Variants in PPP1R12A observed in about 807,000 individuals in gnomAD.
PPP1R12A encodes the protein protein phosphatase 1 regulatory subunit 12A.
Under a neutral mutation model 139.6 loss-of-function variants are expected in PPP1R12A, and 19 were observed. That is an observed-to-expected ratio of 0.14 (90% CI 0.09 to 0.20). The LOEUF (loss-of-function observed/expected upper bound fraction) is 0.20, where lower values mean the gene tolerates loss of function less well. Ranked by LOEUF, PPP1R12A falls within the 10% of genes least tolerant of loss-of-function variation. The probability of loss-of-function intolerance (pLI) is 1.00; values close to 1 mark genes in which losing one functional copy is unlikely to be tolerated. For synonymous variants in PPP1R12A, 427 were observed against 420.6 expected (o/e 1.02, Z -0.19); for missense variants, 925 against 1,211.5 (o/e 0.76, Z 3.51).
intron 6 of PPP1R12A, 95 bp from the exon 7 acceptor site, chr12:79,821,261 A>G: frequency 1.2e-6 from 1 of 816,794 alleles, no homozygotes; most frequent in Non-Finnish European, 2.0e-6. Context: ...AGTTTTTCAG[A>G]CATTAAATAA....
intron 14 of PPP1R12A, 113 bp from the exon 15 acceptor site, chr12:79,798,697 G>T: frequency 2.1e-6 from 1 of 481,660 alleles, no homozygotes. Flanking sequence ...TAAGTTTTAA[G>T]GAAAAGTCTT....
chr12:79,894,660 GTC>G (rs1163259662), intron 1 of PPP1R12A, among the ~76,000 whole-genome samples: 3 of 152,008 alleles, frequency 2.0e-5, no homozygotes, highest in Non-Finnish European at 4.4e-5. Context: ...TTAAAAAAAA[GTC>G]TTTTATTGGA....
Position 79,925,193 on chromosome 12 carries a change from T to C in PPP1R12A, c.237+9502A>G, listed in dbSNP as rs76435961. Among the ~76,000 whole-genome samples the C allele has an allele frequency of 9.8e-3, 1,492 of 152,272 alleles. 32 individuals carry two copies. Among genetic ancestry groups the C allele is most frequent in the African/African-American group, 0.035 (1,436 of 41,550 alleles). The stretch of plus-strand genomic sequence containing the variant: ...AAGTTTATAACCATCTAAAACAATT[T>C]TGAAGGCTAATAAAATATATATAAT... On this transcript the variant is annotated intron_variant, in intron 1 of 24. Coordinates refer to ENST00000450142, the MANE Select transcript of PPP1R12A (RefSeq NM_002480.3).
intron 9 of PPP1R12A, among the ~76,000 whole-genome samples, chr12:79,812,129 A>G (rs1438181539): frequency 1.3e-5 from 2 of 152,184 alleles, no homozygotes; most frequent in African/African-American, 4.8e-5. Flanking sequence ...CTATCTATCA[A>G]TTTTGAAATG....
At chr12:79,813,005 C>T (rs1309664791) in intron 9 of PPP1R12A, among the ~76,000 whole-genome samples, 2 of 152,028 alleles carry the variant, frequency 1.3e-5, no homozygotes, top group African/African-American at 4.8e-5. Context: ...CTCAATAAGC[C>T]TCTCATCTTC....
At chr12:79,777,486 G>A in intron 24 of PPP1R12A, 4 of 985,244 alleles carry the variant, frequency 4.1e-6, no homozygotes, top group Non-Finnish European at 4.8e-6. Flanking sequence ...CACCTGCCTG[G>A]CTCTACCAAG....
chr12:79,839,053 AAGCTACAG>A (rs1287084749), intron 3 of PPP1R12A, among the ~76,000 whole-genome samples: 2 of 151,912 alleles, frequency 1.3e-5, no homozygotes, highest in Non-Finnish European at 1.5e-5. Flanking sequence ...GTACCCTGCA[AAGCTACAG>A]AGGCAGAGCT....
Position 79,775,248 on chromosome 12 carries a change from A to AGAAAT in PPP1R12A, c.*676_*680dup, listed in dbSNP as rs1229752170. 1 of 152,604 alleles carries AGAAAT rather than the reference A, an allele frequency of 6.6e-6. No homozygotes were observed. The highest frequency in any genetic ancestry group is 2.4e-5 in the African/African-American group (1 of 41,458). 9.5% of individuals were successfully genotyped at this position (152,604 alleles called of 1,614,324 possible). A position where few individuals can be genotyped will look rare whatever the true frequency, so the allele number is the denominator to read the frequency against. ...CAAATGACTTTAAAGCATTCATATAAGAAATAAATGCATATTGCACAAACA... is the reference window on the plus strand; with the variant it reads ...CAAATGACTTTAAAGCATTCATATAAGAAATGAAATAAATGCATATTGCACAAACA... On this transcript the variant is annotated 3_prime_UTR_variant, in exon 25 of 25. Transcript: ENST00000450142.
chr12:79,805,521 T>C, intron 14 of PPP1R12A, 71 bp downstream of exon 14: 1 of 1,455,908 alleles, frequency 6.9e-7, no homozygotes. Context: ...CACAAGATCT[T>C]TTTTAAAACA....
intron 23 of PPP1R12A, chr12:79,778,917 G>A (rs3213965): frequency 0.91 from 216,524 of 239,080 alleles, 98,667 homozygotes; most frequent in Middle Eastern, 0.94. Flanking sequence ...ACTGTACAGA[G>A]AAGAAAAACA....
At chr12:79,817,276 C>A in intron 9 of PPP1R12A, 118 bp downstream of exon 9, 1 of 919,124 alleles carries the variant, frequency 1.1e-6, no homozygotes, top group Non-Finnish European at 1.6e-6. Context: ...TATTTATATT[C>A]TGAAATCTTA....
intron 18 of PPP1R12A, among the ~76,000 whole-genome samples, chr12:79,795,394 C>G (rs988702463): frequency 6.6e-6 from 1 of 152,108 alleles, no homozygotes; most frequent in East Asian, 1.9e-4. Flanking sequence ...GCACTCTGAG[C>G]TTCAGACATT....
intron 3 of PPP1R12A, among the ~76,000 whole-genome samples, chr12:79,844,259 G>A (rs1241341274): frequency 2.0e-5 from 3 of 152,040 alleles, no homozygotes; most frequent in Non-Finnish European, 4.4e-5. Context: ...TTTTGTAACT[G>A]CAGACTCGCA....
chr12:79,808,173 G>T (rs1195050243), intron 11 of PPP1R12A, among the ~76,000 whole-genome samples: 3 of 151,440 alleles, frequency 2.0e-5, no homozygotes, highest in Non-Finnish European at 2.9e-5. Context: ...ATTAAGTAAG[G>T]GCTTTCCTTC....
intron 19 of PPP1R12A, 115 bp downstream of exon 19, chr12:79,793,748 A>G (rs1350052505): frequency 2.8e-6 from 2 of 712,390 alleles, no homozygotes; most frequent in South Asian, 3.7e-5. Context: ...CATACCCAGC[A>G]TGTAGGTAGA....
At chr12:79,855,649 C>A (rs917499633) in intron 2 of PPP1R12A, among the ~76,000 whole-genome samples, 2 of 151,774 alleles carry the variant, frequency 1.3e-5, no homozygotes, top group Middle Eastern at 3.2e-3. Flanking sequence ...GATTATGTAA[C>A]ACTCCCACCA....
rs901635600 is a variant in PPP1R12A, at chr12:79,774,074, C to CCTAA, written c.*1851_*1854dup. 2.6e-5 allele frequency: 4 copies of CCTAA among 152,216 alleles called. No homozygotes were observed. The South Asian group carries it at 8.3e-4, about 32-fold the overall frequency. The allele number at this position is 152,216 out of a possible 1,614,324, so 9.4% of individuals were successfully genotyped here. A position where few individuals can be genotyped will look rare whatever the true frequency, so the allele number is the denominator to read the frequency against. On this transcript the variant is annotated 3_prime_UTR_variant, in exon 25 of 25. Transcript: ENST00000450142. ...CTTCACAAATATAAACCATAGCATGCCTAACTGTTGTGCAACCAGAACATG... is the reference window on the plus strand; with the variant it reads ...CTTCACAAATATAAACCATAGCATGCCTAACTAACTGTTGTGCAACCAGAACATG...
intron 3 of PPP1R12A, among the ~76,000 whole-genome samples, chr12:79,835,122 G>C (rs1323663008): frequency 2.0e-5 from 3 of 152,058 alleles, no homozygotes; most frequent in African/African-American, 7.2e-5. Flanking sequence ...CTTTCTGCTT[G>C]CTCTCTCCCT....
chr12:79,897,817 G>A (rs552939386), intron 1 of PPP1R12A, among the ~76,000 whole-genome samples: 14 of 152,264 alleles, frequency 9.2e-5, no homozygotes, highest in Admixed American at 2.6e-4. Flanking sequence ...ACCATTCACA[G>A]GCTTTACTTG....
Sources: gnomAD v4.1 joint callset for allele counts (sites outside exome capture counted in the v4.1 genomes callset) on GRCh38, gnomAD v4.1.1 for gene constraint, MANE v1.5 for transcripts, NCBI Gene and HGNC (gene_info 2026-07-23, HGNC 2026-07-21) for gene names.